The following TPH1 variants were observed in gnomAD, a reference collection of about 807,000 sequenced individuals.
TPH1 encodes the protein tryptophan 5-hydroxylase 1.
A neutral mutation model predicts 49.5 loss-of-function variants in TPH1; 37 were observed. The observed-to-expected ratio is 0.75, with a 90% CI of 0.58 to 0.98. TPH1 has a LOEUF of 0.98. TPH1 is among the 50% of genes least tolerant of loss of function. The pLI, the probability that TPH1 is intolerant of heterozygous loss-of-function variation, is 0.00. For missense variants in TPH1, 487 were observed against 523.6 expected, an observed-to-expected ratio of 0.93 and a Z score of 0.68; for synonymous variants, 160 against 182.1, an observed-to-expected ratio of 0.88 and a Z score of 0.98.
At chr11:18,037,806 A>T (rs1848060620) in intron 2 of TPH1, among the ~76,000 whole-genome samples, 3 of 152,264 alleles carry the variant, frequency 2.0e-5, no homozygotes, top group African/African-American at 7.2e-5. Flanking sequence ...CAGACATTTC[A>T]GTTACAGAAA....
At chr11:18,032,633 C>T (rs573730363) in intron 4 of TPH1, among the ~76,000 whole-genome samples, 18 of 148,000 alleles carry the variant, frequency 1.2e-4, no homozygotes, top group Admixed American at 3.4e-4. Flanking sequence ...GCAAGCTCCA[C>T]CTCCCAGGTT....
At chr11:18,023,144 C>T in intron 9 of TPH1, 1 of 532,540 alleles carries the variant, frequency 1.9e-6, no homozygotes, top group Non-Finnish European at 3.4e-6. Flanking sequence ...AGATCCTCTC[C>T]ATGGCTTTGT....
In TPH1 at chr11:18,026,518, T is replaced by C. The variant is rs755008730; in HGVS notation, c.775A>G (p.Ser259Gly). ...VFHCTQYVRHSSDPFYTPEPD... is the reference protein window; with the variant it reads ...VFHCTQYVRHGSDPFYTPEPD... ...TCTGGGGTATAGAAGGGATCTGAACTGTGTCTCACATATTGAGTGCAGTGA... is the reference window on the plus strand; with the variant it reads ...TCTGGGGTATAGAAGGGATCTGAACCGTGTCTCACATATTGAGTGCAGTGA... The change falls in exon 7 of 11, where the codon AGT (serine) becomes GGT (glycine). Residue 259 changes from serine to glycine, a missense_variant. Coordinates refer to ENST00000682019, the MANE Select transcript of TPH1 (RefSeq NM_004179.3). The C allele has an allele frequency of 2.5e-6, 4 of 1,613,736 alleles. 1 individual carries two copies. Among genetic ancestry groups the C allele is most frequent in the South Asian group, 2.2e-5 (2 of 91,058 alleles).
chr11:18,040,380 T>G (rs593839), intron 2 of TPH1, among the ~76,000 whole-genome samples: 52,558 of 147,610 alleles, frequency 0.36, 9,976 homozygotes, highest in East Asian at 0.52. Flanking sequence ...GATATATATA[T>G]AGAGAGAAAA....
Position 18,033,341 on chromosome 11 carries a change from A to G in TPH1, c.335T>C (p.Ile112Thr), listed in dbSNP as rs1564858262. The change falls in exon 4 of 11, where the codon ATT becomes ACT. Residue 112 changes from isoleucine to threonine, a missense_variant. Physicochemically the swap from Ile to Thr is moderately conservative, Grantham distance 89. Coordinates refer to ENST00000682019, the MANE Select transcript of TPH1 (RefSeq NM_004179.3). ...GTTGGCACAATGGTCCAGGTCAGAA[A>G]TCTTCTTTGGAAACCAAGGAACAGT... ...METVPWFPKK[I>T]SDLDHCANRV... is the part of the protein sequence containing the mutation. The G allele has an allele frequency of 1.9e-6, 3 of 1,614,060 alleles. No individual in the cohort carries two copies. Among genetic ancestry groups the G allele is most frequent in the South Asian group, 2.2e-5 (2 of 91,076 alleles).
chr11:18,035,905 GAC>G (rs1342330893), intron 3 of TPH1, 52 bp downstream of exon 3: 4 of 1,392,390 alleles, frequency 2.9e-6, no homozygotes, highest in Non-Finnish European at 4.1e-6. Context: ...TATAAGGCTG[GAC>G]ACACATTAGG....
intron 4 of TPH1, 145 bp from the exon 5 acceptor site, chr11:18,029,724 T>C (rs1000373197): frequency 7.5e-5 from 51 of 679,730 alleles, no homozygotes; most frequent in Admixed American, 1.9e-4. Flanking sequence ...TAGAGATTTA[T>C]GATCATTTTT....
intron 6 of TPH1, 85 bp from the exon 7 acceptor site, chr11:18,026,710 G>T: frequency 6.6e-7 from 1 of 1,518,260 alleles, no homozygotes; most frequent in Non-Finnish European, 9.1e-7. Flanking sequence ...GTGGCACCAA[G>T]TAACACGTTG....
intron 10 of TPH1, among the ~76,000 whole-genome samples, chr11:18,022,363 T>C (rs2134024864): frequency 6.6e-6 from 1 of 152,310 alleles, no homozygotes; most frequent in East Asian, 1.9e-4. Context: ...ACTTAATATA[T>C]CTAAATATTA....
chr11:18,041,547 A>T (rs1848098457), intron 1 of TPH1, among the ~76,000 whole-genome samples: 1 of 152,246 alleles, frequency 6.6e-6, no homozygotes, highest in African/African-American at 2.4e-5. Flanking sequence ...AACATCCAAA[A>T]TTCTCACTCG....
In TPH1 at chr11:18,036,139, TCTC is replaced by T; in HGVS notation, c.118_120del (p.Glu40del). On this transcript the variant is annotated inframe_deletion and splice_region_variant, in exon 3 of 11. Transcript: ENST00000682019. ...TCGATATGTAACAGATTCACATGCT[TCTC>T]CTGTGTAAAGCACAGGGAAAAGATT... is the stretch of plus-strand genomic sequence containing the variant. The T allele has an allele frequency of 6.2e-7, 1 of 1,612,240 alleles. No homozygotes were observed.
Position 18,035,949 on chromosome 11 carries a change from T to A in TPH1, c.301+10A>T. 5 of 1,606,632 alleles carry A rather than the reference T, an allele frequency of 3.1e-6. No homozygotes were observed. Among genetic ancestry groups the A allele is most frequent in the Non-Finnish European group, 4.3e-6 (5 of 1,175,600 alleles). On this transcript the variant is annotated intron_variant, in intron 3 of 10. Transcript: ENST00000682019. ...ATCTTCTAAGTAGTATTTTCACATT[T>A]TGAACTTACCATCTTCCTTCAAAGT...
Position 18,035,381 on chromosome 11 carries a change from CTTTT to C in TPH1, c.301+574_301+577del, listed in dbSNP as rs914326715. ...TGTCTTTCTTTTTCTTTCTTTCTTT[CTTTT>C]CTTTCTTTTTCTTTCTTTTTTCTTT... On this transcript the variant is annotated intron_variant, in intron 3 of 10. Transcript: ENST00000682019. Among the ~76,000 whole-genome samples the C allele has an allele frequency of 2.7e-4, 39 of 143,140 alleles. 1 individual carries two copies. In the South Asian group the frequency reaches 8.4e-3, roughly 31 times the overall value. The allele number at this position is 143,140 out of a possible 152,430, so 93.9% of individuals were successfully genotyped here.
intron 6 of TPH1, among the ~76,000 whole-genome samples, chr11:18,028,496 T>A (rs1833747738): frequency 6.6e-6 from 1 of 152,138 alleles, no homozygotes; most frequent in Non-Finnish European, 1.5e-5. Flanking sequence ...TACTTTAGAG[T>A]CGCACAGTAA....
intron 8 of TPH1, among the ~76,000 whole-genome samples, chr11:18,025,061 T>TA (rs1325260008): frequency 2.6e-5 from 4 of 152,244 alleles, no homozygotes; most frequent in Non-Finnish European, 4.4e-5. Context: ...TCAAACAGTA[T>TA]ATAAGCTCCT....
intron 3 of TPH1, among the ~76,000 whole-genome samples, 165 bp downstream of exon 3, chr11:18,035,794 C>G (rs1328813762): frequency 6.6e-6 from 1 of 152,070 alleles, no homozygotes; most frequent in Non-Finnish European, 1.5e-5. Context: ...TATAATTTTT[C>G]TTTGGTATCT....
chr11:18,032,183 C>G (rs1027224172), intron 4 of TPH1, among the ~76,000 whole-genome samples: 2 of 152,088 alleles, frequency 1.3e-5, no homozygotes, highest in Non-Finnish European at 2.9e-5. Flanking sequence ...TCCTCCCCTC[C>G]CAGAAATGCT....
chr11:18,038,589 G>T (rs1478607707), intron 2 of TPH1, among the ~76,000 whole-genome samples: 1 of 152,152 alleles, frequency 6.6e-6, no homozygotes, highest in Non-Finnish European at 1.5e-5. Context: ...ACAGGAAGAG[G>T]TTGCACAAAT....
chr11:18,020,738 T>TGTATG lies in TPH1; in HGVS notation c.*248_*252dup. On this transcript the variant is annotated 3_prime_UTR_variant, in exon 11 of 11. Coordinates refer to ENST00000682019, the MANE Select transcript of TPH1 (RefSeq NM_004179.3). The stretch of plus-strand genomic sequence containing the variant: ...TATTAAAAATGGGTGGTCAGTGGCT[T>TGTATG]GTATGGTATATAAATTGTCTCATTA... 1 of 429,586 alleles carries TGTATG rather than the reference T, an allele frequency of 2.3e-6. No individual in the cohort carries two copies. The highest frequency in any genetic ancestry group is 4.3e-6 in the Non-Finnish European group (1 of 231,668). 26.6% of individuals were successfully genotyped at this position (429,586 alleles called of 1,614,324 possible). A position where few individuals can be genotyped will look rare whatever the true frequency, so the allele number is the denominator to read the frequency against.
Sources: allele counts gnomAD v4.1 joint callset (sites outside exome capture counted in the v4.1 genomes callset), GRCh38; gene constraint gnomAD v4.1.1; transcripts MANE v1.5; gene names NCBI Gene and HGNC (gene_info 2026-07-23, HGNC 2026-07-21).